Variants in PLPP1 observed in about 807,000 individuals in gnomAD.
The protein encoded by PLPP1 is phospholipid phosphatase 1, also known as lipid phosphate phosphohydrolase 1a.
In PLPP1, 24 loss-of-function variants were observed where a neutral mutation model predicts 31.2. The observed-to-expected ratio is 0.77, with a 90% CI of 0.56 to 1.08. The LOEUF is 1.08. Ranked by LOEUF, PLPP1 falls within the 50% of genes least tolerant of loss-of-function variation. The pLI, the probability that PLPP1 is intolerant of heterozygous loss-of-function variation, is 0.00. For missense variants in PLPP1, 319 were observed against 342.7 expected (o/e 0.93, Z 0.55); for synonymous variants, 146 against 126.3 (o/e 1.16, Z -1.05).
intron 4 of PLPP1, among the ~76,000 whole-genome samples, chr5:55,432,023 G>A (rs1002026011): frequency 2.6e-5 from 4 of 152,044 alleles, no homozygotes; most frequent in Non-Finnish European, 5.9e-5. Context: ...CTGGGTTCAA[G>A]TGATCCTCCC....
intron 4 of PLPP1, among the ~76,000 whole-genome samples, chr5:55,438,078 T>A (rs2111695828): frequency 6.6e-6 from 1 of 152,276 alleles, no homozygotes; most frequent in East Asian, 1.9e-4. Flanking sequence ...TACAGGAATT[T>A]CATAACAGGC....
intron 1 of PLPP1, among the ~76,000 whole-genome samples, chr5:55,510,010 G>C: frequency 6.6e-6 from 1 of 152,202 alleles, no homozygotes; most frequent in East Asian, 1.9e-4. Context: ...GGTACTGGGA[G>C]AGACAGCTGA....
At chr5:55,506,520 C>A (rs893516038) in intron 1 of PLPP1, among the ~76,000 whole-genome samples, 1 of 152,106 alleles carries the variant, frequency 6.6e-6, no homozygotes, top group East Asian at 1.9e-4. Context: ...TAAATCTTAA[C>A]CCTATTAAAT....
At chr5:55,492,806 T>C (rs1296601643) in intron 1 of PLPP1, among the ~76,000 whole-genome samples, 2 of 152,186 alleles carry the variant, frequency 1.3e-5, no homozygotes, top group African/African-American at 4.8e-5. Context: ...TATAACGTTG[T>C]TGAAGCTTAG....
chr5:55,502,996 T>A (rs993310986), intron 1 of PLPP1, among the ~76,000 whole-genome samples: 9 of 152,176 alleles, frequency 5.9e-5, no homozygotes, highest in African/African-American at 2.2e-4. Context: ...CCCTCCTACC[T>A]CTCTCACCAG....
At chr5:55,522,819 C>G (rs909094444) in intron 1 of PLPP1, among the ~76,000 whole-genome samples, 1 of 151,952 alleles carries the variant, frequency 6.6e-6, no homozygotes, top group Non-Finnish European at 1.5e-5. Flanking sequence ...CCTGGGTTCA[C>G]GCCATTCTCC....
rs1752512814 is a variant in PLPP1, at chr5:55,475,343, A to G, written c.166T>C (p.Tyr56His). Residue 56 changes from tyrosine to histidine, a missense_variant, in exon 2 of 6, where the codon TAT (tyrosine) becomes CAT (histidine). Tyr to His is a moderately conservative substitution (Grantham distance 83, BLOSUM62 2). Coordinates refer to ENST00000307259, the MANE Select transcript of PLPP1 (RefSeq NM_003711.4). ...ATGATTATTCCACCTAATAACGCATAAGGTATGGTGTCTTCTTTGTAAGGG... is the reference window on the plus strand; with the variant it reads ...ATGATTATTCCACCTAATAACGCATGAGGTATGGTGTCTTCTTTGTAAGGG... The part of the protein sequence containing the change: ...KYPYKEDTIP[Y>H]ALLGGIIIPF... The G allele has an allele frequency of 6.2e-7, 1 of 1,611,926 alleles. No individual in the cohort carries two copies. The highest frequency in any genetic ancestry group is 8.5e-7 in the Non-Finnish European group (1 of 1,178,528).
chr5:55,475,349 T>C lies in PLPP1; in HGVS notation c.160A>G (p.Ile54Val), dbSNP rs774530952. Residue 54 changes from isoleucine (I) to valine (V), a missense_variant, in exon 2 of 6, where the codon ATA becomes GTA. By Grantham distance (29) the Ile-to-Val change is conservative. Coordinates refer to ENST00000307259, the MANE Select transcript of PLPP1 (RefSeq NM_003711.4). Reference sequence around the variant, plus strand: ...ATTCCACCTAATAACGCATAAGGTATGGTGTCTTCTTTGTAAGGGTACTTG... The same window carrying C: ...ATTCCACCTAATAACGCATAAGGTACGGTGTCTTCTTTGTAAGGGTACTTG... ...SIKYPYKEDT[I>V]PYALLGGIII... 1.3e-5 allele frequency: 21 copies of C among 1,612,532 alleles called. No individual in the cohort carries two copies. The highest frequency in any genetic ancestry group is 4.5e-5 in the East Asian group (2 of 44,832).
At chr5:55,474,648 T>G (rs959194439) in intron 2 of PLPP1, among the ~76,000 whole-genome samples, 1 of 152,238 alleles carries the variant, frequency 6.6e-6, no homozygotes, top group Non-Finnish European at 1.5e-5. Context: ...AAAAATTATT[T>G]AAAGTAAGCG....
chr5:55,425,496 G>C, intron 5 of PLPP1, 162 bp from the exon 6 acceptor site: 1 of 635,798 alleles, frequency 1.6e-6, no homozygotes, highest in Non-Finnish European at 2.4e-6. Flanking sequence ...ATTTTTTAAA[G>C]ATTATTCCAA....
chr5:55,526,521 G>GT (rs989500796), intron 1 of PLPP1, among the ~76,000 whole-genome samples: 2 of 152,010 alleles, frequency 1.3e-5, no homozygotes, highest in African/African-American at 4.8e-5. Context: ...ATTTTTGTTC[G>GT]TTTTTTGAGA....
intron 3 of PLPP1, among the ~76,000 whole-genome samples, chr5:55,447,848 A>G (rs775070581): frequency 6.6e-6 from 1 of 152,220 alleles, no homozygotes; most frequent in Non-Finnish European, 1.5e-5. Flanking sequence ...CACTCAGGCT[A>G]GAGTTCAGTA....
intron 1 of PLPP1, among the ~76,000 whole-genome samples, chr5:55,491,444 A>G (rs1159280595): frequency 6.6e-6 from 1 of 151,136 alleles, no homozygotes; most frequent in Non-Finnish European, 1.5e-5. Context: ...TCCATTTTGC[A>G]TTCTGTAGTT....
At chr5:55,430,622 G>A (rs144242778) in intron 4 of PLPP1, among the ~76,000 whole-genome samples, 10 of 152,124 alleles carry the variant, frequency 6.6e-5, no homozygotes, top group Non-Finnish European at 1.5e-4. Flanking sequence ...CAAAAAATTG[G>A]AAGAAGTGAC....
At chr5:55,490,377 T>C (rs1752864354) in intron 1 of PLPP1, among the ~76,000 whole-genome samples, 1 of 152,114 alleles carries the variant, frequency 6.6e-6, no homozygotes. Flanking sequence ...CTCGAACTCC[T>C]GACCTCAGGT....
intron 1 of PLPP1, among the ~76,000 whole-genome samples, chr5:55,500,849 C>G (rs1282131129): frequency 6.6e-6 from 1 of 152,134 alleles, no homozygotes. Flanking sequence ...TTGAGATGCT[C>G]TATCACAATA....
chr5:55,501,926 A>T (rs776355936), intron 1 of PLPP1, among the ~76,000 whole-genome samples: 7 of 152,222 alleles, frequency 4.6e-5, no homozygotes, highest in Non-Finnish European at 1.0e-4. Context: ...TACAAGCCAT[A>T]ACAGTGCTTT....
At chr5:55,445,109 G>A (rs1364022001) in intron 3 of PLPP1, among the ~76,000 whole-genome samples, 1 of 152,018 alleles carries the variant, frequency 6.6e-6, no homozygotes, top group Non-Finnish European at 1.5e-5. Context: ...TGCCAGCCAG[G>A]GCACCCCCTT....
At chr5:55,532,583 A>C (rs572137878) in intron 1 of PLPP1, among the ~76,000 whole-genome samples, 4 of 152,346 alleles carry the variant, frequency 2.6e-5, no homozygotes, top group Middle Eastern at 3.4e-3. Flanking sequence ...ATTTCTATGA[A>C]AGGTAATTTT....
Sources: gnomAD v4.1 joint callset for allele counts (sites outside exome capture counted in the v4.1 genomes callset) on GRCh38, gnomAD v4.1.1 for gene constraint, MANE v1.5 for transcripts, NCBI Gene and HGNC (gene_info 2026-07-23, HGNC 2026-07-21) for gene names.